Variants in SIM1 observed in about 807,000 individuals in gnomAD.
SIM1 encodes the protein single-minded homolog 1.
Under a neutral mutation model 78.2 loss-of-function variants are expected in SIM1, and 18 were observed. The observed-to-expected ratio is 0.23, with a 90% CI of 0.16 to 0.34. The LOEUF (loss-of-function observed/expected upper bound fraction) is 0.34. Among genes scored for constraint, SIM1 ranks in the 10% least tolerant of loss-of-function variants. The pLI, the probability that SIM1 is intolerant of heterozygous loss-of-function variation, is 1.00. For synonymous variants in SIM1, 417 were observed against 385.2 expected (o/e 1.08, Z -0.97); for missense variants, 939 against 975.1 (o/e 0.96, Z 0.49).
chr6:100,446,112 T>A (rs565754281), intron 9 of SIM1, among the ~76,000 whole-genome samples: 1 of 152,310 alleles, frequency 6.6e-6, no homozygotes, highest in East Asian at 1.9e-4. Flanking sequence ...CTAAGCCAAA[T>A]TCATTTTCTA....
intron 10 of SIM1, among the ~76,000 whole-genome samples, chr6:100,420,541 G>T (rs1442948128): frequency 6.6e-6 from 1 of 152,120 alleles, no homozygotes; most frequent in African/African-American, 2.4e-5. Context: ...TCACAAAGAA[G>T]TTATAGTTCT....
intron 2 of SIM1, 183 bp downstream of exon 2, chr6:100,463,111 C>CA: frequency 9.2e-6 from 5 of 542,170 alleles, no homozygotes; most frequent in East Asian, 5.7e-5. Context: ...GAGGGAGCCT[C>CA]AAAAAAGCGA....
intron 9 of SIM1, among the ~76,000 whole-genome samples, chr6:100,441,737 T>C (rs1357542246): frequency 6.6e-6 from 1 of 152,188 alleles, no homozygotes; most frequent in Non-Finnish European, 1.5e-5. Context: ...TAATTGAATG[T>C]CATTGAGAAG....
chr6:100,408,079 C>G (rs1771095473), intron 10 of SIM1, among the ~76,000 whole-genome samples: 1 of 152,000 alleles, frequency 6.6e-6, no homozygotes, highest in South Asian at 2.1e-4. Flanking sequence ...GGAGCTTTTT[C>G]CCTATGTTTT....
chr6:100,397,017 C>T (rs1450684232), intron 10 of SIM1, among the ~76,000 whole-genome samples: 4 of 152,110 alleles, frequency 2.6e-5, no homozygotes, highest in Admixed American at 2.6e-4. Context: ...ATTCCTGTGC[C>T]TGTCCCTACA....
chr6:100,443,223 T>C (rs372664082), intron 9 of SIM1, among the ~76,000 whole-genome samples: 1 of 152,084 alleles, frequency 6.6e-6, no homozygotes, highest in Non-Finnish European at 1.5e-5. Flanking sequence ...AACACAGAAA[T>C]AGAAGTTTTA....
At chr6:100,462,122 C>A (rs1340699881) in intron 2 of SIM1, among the ~76,000 whole-genome samples, 12 of 151,948 alleles carry the variant, frequency 7.9e-5, no homozygotes, top group Non-Finnish European at 1.6e-4. Context: ...AACTGCAAAC[C>A]CAATAATGAC....
rs1375891638 is a variant in SIM1 at position 100,462,232 on chromosome 6, A to G, written c.175+1062T>C. 2.6e-5 allele frequency among the ~76,000 whole-genome samples: 4 copies of G among 152,296 alleles called. No individual in the cohort carries two copies. In the East Asian group the frequency reaches 5.8e-4, roughly 22 times the overall value. On this transcript the variant is annotated intron_variant, in intron 2 of 11. Transcript: ENST00000369208. ...TCCAGGGGTCAAATCAGAAGTTCTC[A>G]TTTGTAAATAAACACAATTCTTTCC...
chr6:100,386,271 C>T lies in SIM1; in HGVS notation c.*4090G>A, dbSNP rs1447969663. 6.6e-6 allele frequency: 1 copy of T among 151,950 alleles called. No homozygotes were observed. The highest frequency in any genetic ancestry group is 1.5e-5 in the Non-Finnish European group (1 of 67,914). The allele number at this position is 151,950 out of a possible 1,614,324, so 9.4% of individuals were successfully genotyped here. A position where few individuals can be genotyped will look rare whatever the true frequency, so the allele number is the denominator to read the frequency against. On this transcript the variant is annotated 3_prime_UTR_variant, in exon 12 of 12. Coordinates refer to ENST00000369208, the MANE Select transcript of SIM1 (RefSeq NM_005068.3). Reference sequence around the variant, plus strand: ...TGATTGTATTAAAGTGTAAGCTATTCCACTAGGCCAGGTGAGTGACCCCAA... The same window carrying T: ...TGATTGTATTAAAGTGTAAGCTATTTCACTAGGCCAGGTGAGTGACCCCAA...
At chr6:100,392,798 C>A (rs1770673155) in intron 11 of SIM1, among the ~76,000 whole-genome samples, 1 of 152,186 alleles carries the variant, frequency 6.6e-6, no homozygotes, top group South Asian at 2.1e-4. Context: ...ACGGAATGAG[C>A]TCTCCTTAAC....
At chr6:100,459,492 G>A (rs555845961) in intron 2 of SIM1, among the ~76,000 whole-genome samples, 2 of 152,262 alleles carry the variant, frequency 1.3e-5, no homozygotes, top group South Asian at 4.1e-4. Context: ...ATTTCCCCAA[G>A]AAGCAAGAAA....
At chr6:100,454,181 C>A (rs1277537466) in intron 2 of SIM1, among the ~76,000 whole-genome samples, 1 of 152,176 alleles carries the variant, frequency 6.6e-6, no homozygotes, top group Non-Finnish European at 1.5e-5. Context: ...GTTTACGGGG[C>A]GTAAGGGCAC....
chr6:100,395,208 A>G (rs531124817), intron 10 of SIM1, among the ~76,000 whole-genome samples: 38 of 152,198 alleles, frequency 2.5e-4, no homozygotes, highest in Non-Finnish European at 4.9e-4. Context: ...TACTATGATA[A>G]TGATGGGTGC....
rs1770699073 is a variant in SIM1, at chr6:100,393,699, T to C, written c.1358A>G (p.His453Arg). ...ATGCCTCTCTTCCACCAGCCTCGAG[T>C]GGTCAAGCGCAAAGCCATAGCAGAG... ...SSLCYGFALDHSRLVEERHFH... is the reference protein window; with the variant it reads ...SSLCYGFALDRSRLVEERHFH... The change falls in exon 11 of 12, where the codon CAC becomes CGC. Residue 453 changes from histidine to arginine, a missense_variant. His to Arg is a conservative substitution (Grantham distance 29). This residue lies in a region of SIM1 where 556 missense variants were observed against 521.9 expected (regional missense o/e 1.07). Transcript: ENST00000369208. The C allele has an allele frequency of 6.2e-7, 1 of 1,613,914 alleles. No homozygotes were observed. The highest frequency in any genetic ancestry group is 8.5e-7 in the Non-Finnish European group (1 of 1,179,886).
At chr6:100,413,584 A>G (rs990984504) in intron 10 of SIM1, among the ~76,000 whole-genome samples, 41 of 152,152 alleles carry the variant, frequency 2.7e-4, no homozygotes, top group African/African-American at 9.7e-4. Flanking sequence ...GAGATTTGTC[A>G]TCTTTAAATT....
chr6:100,415,064 A>C (rs1256291757), intron 10 of SIM1, among the ~76,000 whole-genome samples: 1 of 152,228 alleles, frequency 6.6e-6, no homozygotes, highest in African/African-American at 2.4e-5. Context: ...ATTGGTTATT[A>C]CTGACTAGGG....
chr6:100,438,231 T>A (rs1772108996), intron 9 of SIM1, among the ~76,000 whole-genome samples: 1 of 152,066 alleles, frequency 6.6e-6, no homozygotes, highest in Non-Finnish European at 1.5e-5. Context: ...GAACGAGTAT[T>A]CAAAATTTTC....
chr6:100,451,897 T>G (rs1333855150), intron 3 of SIM1, among the ~76,000 whole-genome samples: 1 of 152,086 alleles, frequency 6.6e-6, no homozygotes, highest in East Asian at 1.9e-4. Flanking sequence ...CAGTTTGCAG[T>G]AGGAAACAAA....
chr6:100,395,011 C>G (rs919419365), intron 10 of SIM1, among the ~76,000 whole-genome samples: 1 of 152,108 alleles, frequency 6.6e-6, no homozygotes, highest in African/African-American at 2.4e-5. Context: ...AATTAAATGG[C>G]TTATCTACTC....
Sources: gnomAD v4.1 joint callset for allele counts (sites outside exome capture counted in the v4.1 genomes callset) on GRCh38, gnomAD v4.1.1 for gene constraint, gnomAD v4.1.1 regional missense constraint, MANE v1.5 for transcripts, NCBI Gene and HGNC (gene_info 2026-07-23, HGNC 2026-07-21) for gene names.